CECR2: variants seen among roughly 807,000 people sequenced by gnomAD.
The protein encoded by CECR2 is chromatin remodeling regulator CECR2.
In CECR2, 30 loss-of-function variants were observed where a neutral mutation model predicts 154.5. That is an observed-to-expected ratio of 0.19 (90% CI 0.15 to 0.26). CECR2 has a LOEUF of 0.26. Among genes scored for constraint, CECR2 ranks in the 10% least tolerant of loss-of-function variants. The probability of loss-of-function intolerance (pLI) is 1.00; values close to 1 mark genes in which losing one functional copy is unlikely to be tolerated. For synonymous variants in CECR2, 725 were observed against 683.7 expected, an observed-to-expected ratio of 1.06 and a Z score of -0.94; for missense variants, 1,743 against 1,829.3, an observed-to-expected ratio of 0.95 and a Z score of 0.86.
rs556394167 is a variant in CECR2 at position 17,465,154 on chromosome 22, G to A, written c.127-12434G>A. Among the ~76,000 whole-genome samples, 8 of 150,086 alleles carry A rather than the reference G, an allele frequency of 5.3e-5. No homozygotes were observed. The East Asian group carries it at 1.2e-3, about 23-fold the overall frequency. ...TGGGACTACAGGCGCCCACCACCACGCCCGGCTAAGTTTTTGTATTTTTAG... is the reference window on the plus strand; with the variant it reads ...TGGGACTACAGGCGCCCACCACCACACCCGGCTAAGTTTTTGTATTTTTAG... On this transcript the variant is annotated intron_variant, in intron 1 of 18. Coordinates refer to ENST00000262608, the MANE Select transcript of CECR2 (RefSeq NM_001290047.2).
At chr22:17,431,695 GAAAA>G (rs911771655) in intron 1 of CECR2, among the ~76,000 whole-genome samples, 2 of 149,392 alleles carry the variant, frequency 1.3e-5, no homozygotes, top group South Asian at 4.2e-4. Flanking sequence ...ACTTAAAATG[GAAAA>G]AAAAAGACTA....
intron 1 of CECR2, among the ~76,000 whole-genome samples, chr22:17,462,127 G>A (rs1018308291): frequency 2.6e-5 from 4 of 151,620 alleles, no homozygotes; most frequent in East Asian, 2.0e-4. Context: ...GATCTTGACC[G>A]GGCGCGGTGG....
rs2056733033 is a variant in CECR2 at position 17,553,039 on chromosome 22, A to G, written c.*199A>G. 1 of 1,281,550 alleles carries G rather than the reference A, an allele frequency of 7.8e-7. No homozygotes were observed. Among genetic ancestry groups the G allele is most frequent in the East Asian group, 2.8e-5 (1 of 36,102 alleles). The allele number at this position is 1,281,550 out of a possible 1,614,324, so 79.4% of individuals were successfully genotyped here. The stretch of plus-strand genomic sequence containing the variant: ...TTAGATGACTGACACACAGATTGCA[A>G]AGGTCCTCGGCCAGGGATCTCTTGC... On this transcript the variant is annotated 3_prime_UTR_variant, in exon 19 of 19. Transcript: ENST00000262608.
In CECR2 at chr22:17,438,111, C is replaced by T. The variant is rs188773858; in HGVS notation, c.127-39477C>T. On this transcript the variant is annotated intron_variant, in intron 1 of 18. Transcript: ENST00000262608. ...GGGTTTTAAAAATGCATTTCTTTAG[C>T]AAGCTGAATATTACATGCAGTAGTA... Among the ~76,000 whole-genome samples the T allele has an allele frequency of 4.7e-4, 72 of 152,238 alleles. 1 individual carries two copies. In the East Asian group the frequency reaches 0.012, roughly 26 times the overall value.
At chr22:17,493,054 C>T (rs950267965) in intron 2 of CECR2, among the ~76,000 whole-genome samples, 4 of 152,132 alleles carry the variant, frequency 2.6e-5, no homozygotes, top group African/African-American at 7.2e-5. Flanking sequence ...TCACTGCAAC[C>T]TCCTCCTCCT....
At chr22:17,524,355 C>CT in intron 9 of CECR2, 84 bp downstream of exon 9, 1 of 1,471,204 alleles carries the variant, frequency 6.8e-7, no homozygotes, top group Non-Finnish European at 9.2e-7. Context: ...AAGCTAAGTC[C>CT]TGCCATGCAT....
Position 17,540,650 on chromosome 22 carries a change from C to A in CECR2, c.1734C>A (p.Pro578=). Residue 578 remains proline, a synonymous_variant, in exon 14 of 19, where the codon CCC becomes CCA. Transcript: ENST00000262608. ...QPMENGGKSL[P]PTRRAPSSGD... The stretch of plus-strand genomic sequence containing the variant: ...TGGAGAATGGAGGAAAGTCGTTGCC[C>A]CCCACACGCCGAGCGCCCTCTTCTG... 4 of 1,613,874 alleles carry A rather than the reference C, an allele frequency of 2.5e-6. No homozygotes were observed.
intron 1 of CECR2, among the ~76,000 whole-genome samples, chr22:17,462,649 C>T (rs2054960054): frequency 1.3e-5 from 2 of 152,160 alleles, no homozygotes; most frequent in South Asian, 4.1e-4. Flanking sequence ...GCTGCAGTGG[C>T]TCACGCCTGT....
chr22:17,552,052 G>A lies in CECR2; in HGVS notation c.4299G>A (p.Gln1433=). 1 of 1,613,998 alleles carries A rather than the reference G, an allele frequency of 6.2e-7. No individual in the cohort carries two copies. Among genetic ancestry groups the A allele is most frequent in the African/African-American group, 1.3e-5 (1 of 75,052 alleles). ...GTAGAATGCAGATGCACCCGGTCCA[G>A]TCGCAGGCCTCGTTCCCAAAGACCC... is the stretch of plus-strand genomic sequence containing the variant. ...RPSGMQMHPV[Q]SQASFPKTPT... Residue 1433 remains glutamine, a synonymous_variant, in exon 18 of 19, where the codon CAG becomes CAA. Coordinates refer to ENST00000262608, the MANE Select transcript of CECR2 (RefSeq NM_001290047.2).
At chr22:17,483,788 A>T (rs1188555399) in intron 2 of CECR2, among the ~76,000 whole-genome samples, 1 of 152,202 alleles carries the variant, frequency 6.6e-6, no homozygotes, top group Non-Finnish European at 1.5e-5. Flanking sequence ...GTTTACAGTG[A>T]TGTACAGTCA....
chr22:17,413,184 T>A (rs1285624664), intron 1 of CECR2, among the ~76,000 whole-genome samples: 3 of 152,138 alleles, frequency 2.0e-5, no homozygotes, highest in Non-Finnish European at 4.4e-5. Flanking sequence ...AGGGAAGTAG[T>A]ATCAGAAAAG....
chr22:17,499,269 G>A (rs1482846737), intron 3 of CECR2, 141 bp from the exon 4 acceptor site: 28 of 960,792 alleles, frequency 2.9e-5, no homozygotes, highest in African/African-American at 6.7e-5. Context: ...GATTACAGGC[G>A]TGAGCCACCA....
At chr22:17,373,415 C>T (rs2063083327) in intron 1 of CECR2, among the ~76,000 whole-genome samples, 1 of 151,976 alleles carries the variant, frequency 6.6e-6, no homozygotes, top group African/African-American at 2.4e-5. Flanking sequence ...ATTATATAAA[C>T]GTGAAAATTA....
At chr22:17,466,598 C>CCTTTTTTT (rs555359003) in intron 1 of CECR2, among the ~76,000 whole-genome samples, 8,019 of 139,816 alleles carry the variant, frequency 0.057, 452 homozygotes, top group East Asian at 0.2. Flanking sequence ...AAAACCTTGC[C>CCTTTTTTT]TTTTTTTTTT....
intron 1 of CECR2, among the ~76,000 whole-genome samples, chr22:17,439,792 C>T (rs928351911): frequency 1.3e-5 from 2 of 152,180 alleles, no homozygotes; most frequent in African/African-American, 4.8e-5. Context: ...CAAGGAATGT[C>T]ATTGCAGCGT....
At chr22:17,392,130 T>TA (rs1433079605) in intron 1 of CECR2, among the ~76,000 whole-genome samples, 1 of 152,108 alleles carries the variant, frequency 6.6e-6, no homozygotes, top group East Asian at 1.9e-4. Context: ...GTTTTTTGTT[T>TA]AAAAAAATAA....
intron 14 of CECR2, among the ~76,000 whole-genome samples, chr22:17,541,283 GTC>G (rs535999671): frequency 6.6e-6 from 1 of 152,110 alleles, no homozygotes; most frequent in Non-Finnish European, 1.5e-5. Context: ...GTGAAACCCT[GTC>G]TCTACTAAAA....
In CECR2 at chr22:17,452,035, T is replaced by G. The variant is rs187238777; in HGVS notation, c.127-25553T>G. Among the ~76,000 whole-genome samples, 9 of 152,278 alleles carry G rather than the reference T, an allele frequency of 5.9e-5. No homozygotes were observed. The East Asian group carries it at 1.7e-3, about 29-fold the overall frequency. ...CTAAGTTGTGGGACGTCAGATCGCT[T>G]AGGACCTTCCAAGCTATGATAGAAG... On this transcript the variant is annotated intron_variant, in intron 1 of 18. Coordinates refer to ENST00000262608, the MANE Select transcript of CECR2 (RefSeq NM_001290047.2).
intron 1 of CECR2, among the ~76,000 whole-genome samples, chr22:17,417,784 A>G (rs1338490431): frequency 1.3e-5 from 2 of 151,932 alleles, no homozygotes; most frequent in African/African-American, 4.8e-5. Context: ...ATGCCCGGCT[A>G]ATTTTTTTGT....
Sources: allele counts gnomAD v4.1 joint callset (sites outside exome capture counted in the v4.1 genomes callset), GRCh38; gene constraint gnomAD v4.1.1; transcripts MANE v1.5; gene names NCBI Gene and HGNC (gene_info 2026-07-23, HGNC 2026-07-21).